The following PCNA variants were observed in gnomAD, a reference collection of about 807,000 sequenced individuals.
The protein encoded by PCNA is proliferating cell nuclear antigen.
A neutral mutation model predicts 27.8 loss-of-function variants in PCNA; 4 were observed. That is an observed-to-expected ratio of 0.14 (90% CI 0.07 to 0.33). PCNA has a LOEUF of 0.33. Among genes scored for constraint, PCNA ranks in the 10% least tolerant of loss-of-function variants. PCNA has a pLI of 1.00. For synonymous variants in PCNA, 121 were observed against 119.4 expected (o/e 1.01, Z -0.09); for missense variants, 165 against 327.4 (o/e 0.50, Z 3.83).
chr20:5,119,642 G>A lies in PCNA; in HGVS notation c.157C>T (p.Arg53Trp), dbSNP rs1435127486. ...CGGTAGGTGTCGAAGCCCTCAGACCGCAGGGTGAGCTGCACCAAAGAGACG... is the reference window on the plus strand; with the variant it reads ...CGGTAGGTGTCGAAGCCCTCAGACCACAGGGTGAGCTGCACCAAAGAGACG... Reference protein sequence around the residue: ...SHVSLVQLTLRSEGFDTYRCD... With the variant: ...SHVSLVQLTLWSEGFDTYRCD... The change falls in exon 1 of 6, where the codon CGG becomes TGG. Residue 53 changes from arginine (R) to tryptophan (W), a missense_variant. By Grantham distance (101) the Arg-to-Trp change is moderately radical (BLOSUM62 -3). Coordinates refer to ENST00000379143, the MANE Select transcript of PCNA (RefSeq NM_182649.2). 1 of 1,613,684 alleles carries A rather than the reference G, an allele frequency of 6.2e-7. No homozygotes were observed. Among genetic ancestry groups the A allele is most frequent in the Non-Finnish European group, 8.5e-7 (1 of 1,179,874 alleles).
At chr20:5,117,330 T>G (rs17352) in intron 4 of PCNA, 140 bp downstream of exon 4, 89,002 of 639,134 alleles carry the variant, frequency 0.14, 11,884 homozygotes, top group African/African-American at 0.56. Context: ...TTATAAATCA[T>G]TCGCAGATTT....
At chr20:5,123,046 G>A (rs866908057), upstream of PCNA, among the ~76,000 whole-genome samples, 5 of 152,194 alleles carry the variant, frequency 3.3e-5, no homozygotes, top group Admixed American at 2.0e-4. Flanking sequence ...AGAGAAGACA[G>A]CTGCTTGGAG....
rs754051671 is a variant in PCNA, at chr20:5,119,633, C to T, written c.166G>A (p.Gly56Ser). 2.4e-5 allele frequency: 39 copies of T among 1,613,686 alleles called. 1 individual carries two copies. In the South Asian group the frequency reaches 4.1e-4, roughly 17 times the overall value. Residue 56 changes from glycine to serine, a missense_variant, in exon 1 of 6, where the codon GGC (glycine) becomes AGC (serine). By Grantham distance (56) the Gly-to-Ser change is moderately conservative (BLOSUM62 0). Coordinates refer to ENST00000379143, the MANE Select transcript of PCNA (RefSeq NM_182649.2). The part of the protein sequence containing the change: ...SLVQLTLRSE[G>S]FDTYRCDRNL... ...CGGTCGCAGCGGTAGGTGTCGAAGC[C>T]CTCAGACCGCAGGGTGAGCTGCACC...
chr20:5,119,847 A>C lies in PCNA; in HGVS notation c.-49T>G. The C allele has an allele frequency of 2.7e-6, 4 of 1,458,226 alleles. No homozygotes were observed. Among genetic ancestry groups the C allele is most frequent in the Non-Finnish European group, 3.8e-6 (4 of 1,065,500 alleles). 90.3% of individuals were successfully genotyped at this position (1,458,226 alleles called of 1,614,324 possible). ...GCTACAGGCAGGCGGGAAGGAGGAA[A>C]GTCTAGCTGGTTTCGGCTTCAGGAG... On this transcript the variant is annotated 5_prime_UTR_variant, in exon 1 of 6. Transcript: ENST00000379143.
At chr20:5,123,749 A>G (rs574442477), upstream of PCNA, among the ~76,000 whole-genome samples, 16 of 152,268 alleles carry the variant, frequency 1.1e-4, no homozygotes, top group South Asian at 3.1e-3. Context: ...CTAGATAAAG[A>G]ATTCAAATTC....
At chr20:5,119,987 A>G (rs1600450353), upstream of PCNA, 1 of 595,022 alleles carries the variant, frequency 1.7e-6, no homozygotes, top group African/African-American at 1.9e-5. Flanking sequence ...GCGCGCTCTC[A>G]CCCTGCGCCG....
At chr20:5,116,916 C>A (rs2090479153) in intron 4 of PCNA, among the ~76,000 whole-genome samples, 1 of 152,180 alleles carries the variant, frequency 6.6e-6, no homozygotes, top group Non-Finnish European at 1.5e-5. Flanking sequence ...ATGGAGTCTG[C>A]TTTCTAGCCT....
rs1276263200 is a variant in PCNA, at chr20:5,119,580, G to A, written c.219C>T (p.Thr73=). ...CTTCCCGGGGCCGCGAGGCTCACCT[G>A]GTGAGGTTCACGCCCATGGCCAGGT... is the stretch of plus-strand genomic sequence containing the variant. ...DRNLAMGVNL[T]SMSKILKCAG... Residue 73 remains threonine, a splice_region_variant and synonymous_variant, in exon 1 of 6, where the codon ACC becomes ACT. Transcript: ENST00000379143. 1 of 1,610,820 alleles carries A rather than the reference G, an allele frequency of 6.2e-7. No homozygotes were observed.
At chr20:5,125,192 T>C (rs2090539066) in intron 1 of PCNA, among the ~76,000 whole-genome samples, 1 of 152,128 alleles carries the variant, frequency 6.6e-6, no homozygotes. Context: ...ATTTAAAAGT[T>C]AGCTGGGTGT....
chr20:5,125,260 A>G (rs2090539624), intron 1 of PCNA, among the ~76,000 whole-genome samples: 1 of 152,344 alleles, frequency 6.6e-6, no homozygotes, highest in Admixed American at 6.5e-5. Context: ...GAAATCAGGA[A>G]TATATAATGC....
upstream of PCNA, among the ~76,000 whole-genome samples, chr20:5,122,108 A>C (rs946219887): frequency 6.6e-6 from 1 of 151,696 alleles, no homozygotes; most frequent in African/African-American, 2.4e-5. Context: ...CAGCCTCCTG[A>C]ATAGCTAGGA....
intron 1 of PCNA, among the ~76,000 whole-genome samples, 179 bp downstream of exon 1, chr20:5,119,399 G>C (rs2090499669): frequency 2.0e-5 from 3 of 152,272 alleles, no homozygotes; most frequent in Admixed American, 6.5e-5. Context: ...TCGCGCAGCA[G>C]CCAGCGCGGG....
Position 5,117,629 on chromosome 20 carries a change from A to G in PCNA, c.423T>C (p.Ser141=). 1 of 1,613,830 alleles carries G rather than the reference A, an allele frequency of 6.2e-7. No homozygotes were observed. The highest frequency in any genetic ancestry group is 8.5e-7 in the Non-Finnish European group (1 of 1,179,886). ...CTCGGCATATACGTGCAAATTCACC[A>G]GAAGGCATCTTTACTACACAGCTGT... ...QEYSCVVKMP[S]GEFARICRDL... is the part of the protein sequence containing the mutation. Residue 141 remains serine (S), a synonymous_variant, in exon 4 of 6, where the codon TCT becomes TCC. Coordinates refer to ENST00000379143, the MANE Select transcript of PCNA (RefSeq NM_182649.2).
chr20:5,119,983 T>C, upstream of PCNA: 3 of 601,150 alleles, frequency 5.0e-6, no homozygotes, highest in Non-Finnish European at 8.9e-6. Flanking sequence ...AAGCGCGCGC[T>C]CTCACCCTGC....
chr20:5,117,873 C>T (rs1033868392), intron 3 of PCNA, among the ~76,000 whole-genome samples: 1 of 152,254 alleles, frequency 6.6e-6, no homozygotes, highest in African/African-American at 2.4e-5. Flanking sequence ...GCCTCCTCCT[C>T]CTCATCCTCC....
intron 4 of PCNA, among the ~76,000 whole-genome samples, chr20:5,116,456 A>T (rs1410723611): frequency 6.6e-6 from 1 of 152,228 alleles, no homozygotes; most frequent in Non-Finnish European, 1.5e-5. Context: ...ACTGAATTTT[A>T]CCTTTATTTA....
chr20:5,117,182 A>G (rs1191514845), intron 4 of PCNA, among the ~76,000 whole-genome samples: 2 of 146,612 alleles, frequency 1.4e-5, no homozygotes, highest in African/African-American at 5.4e-5. Flanking sequence ...CCAGAAAGCT[A>G]AAGGTTATAC....
In PCNA at chr20:5,119,666, C is replaced by T. The variant is rs751096723; in HGVS notation, c.133G>A (p.Val45Ile). The T allele has an allele frequency of 8.1e-6, 13 of 1,613,064 alleles. No individual in the cohort carries two copies. The Admixed American group carries it at 2.2e-4, about 27-fold the overall frequency. ...CGCAGGGTGAGCTGCACCAAAGAGA[C>T]GTGGGACGAGTCCATGCTCTGCAGG... The part of the protein sequence containing the change: ...VNLQSMDSSH[V>I]SLVQLTLRSE... The change falls in exon 1 of 6, where the codon GTC (valine) becomes ATC (isoleucine). Residue 45 changes from valine to isoleucine, a missense_variant. By Grantham distance (29) the Val-to-Ile change is conservative. Transcript: ENST00000379143.
In PCNA at chr20:5,119,586, G is replaced by C. The variant is rs745669400; in HGVS notation, c.213C>G (p.Asn71Lys). 6.2e-7 allele frequency: 1 copy of C among 1,611,908 alleles called. No individual in the cohort carries two copies. The highest frequency in any genetic ancestry group is 1.7e-5 in the Admixed American group (1 of 59,938). The change falls in exon 1 of 6, where the codon AAC becomes AAG. Residue 71 changes from asparagine (N) to lysine (K), a missense_variant. Physicochemically the swap from Asn to Lys is moderately conservative, Grantham distance 94. Coordinates refer to ENST00000379143, the MANE Select transcript of PCNA (RefSeq NM_182649.2). ...RCDRNLAMGV[N>K]LTSMSKILKC... ...GGGGCCGCGAGGCTCACCTGGTGAG[G>C]TTCACGCCCATGGCCAGGTTGCGGT...
Sources: gnomAD v4.1 joint callset for allele counts (sites outside exome capture counted in the v4.1 genomes callset) on GRCh38, gnomAD v4.1.1 for gene constraint, MANE v1.5 for transcripts, NCBI Gene and HGNC (gene_info 2026-07-23, HGNC 2026-07-21) for gene names.